Variants in PACSIN2 observed in about 807,000 individuals in gnomAD.
The protein encoded by PACSIN2 is protein kinase C and casein kinase substrate in neurons protein 2.
A neutral mutation model predicts 63.8 loss-of-function variants in PACSIN2; 25 were observed. The ratio of observed to expected loss-of-function variants is 0.39; its 90% CI spans 0.29 to 0.55. The LOEUF (loss-of-function observed/expected upper bound fraction) is 0.55. Among genes scored for constraint, PACSIN2 ranks in the 20% least tolerant of loss-of-function variants. The pLI is 0.62. For missense variants in PACSIN2, 518 were observed against 646.9 expected (o/e 0.80, Z 2.16); for synonymous variants, 255 against 256.2 (o/e 1.00, Z 0.05).
chr22:42,955,464 T>C (rs1933876592), intron 1 of PACSIN2, among the ~76,000 whole-genome samples: 1 of 150,058 alleles, frequency 6.7e-6, no homozygotes, highest in South Asian at 2.1e-4. Context: ...TACCTGGAGA[T>C]AGCATCAGGG....
rs1928860615 is a variant in PACSIN2, at chr22:42,878,986, C to A, written c.1028+62G>T. 2.6e-6 allele frequency: 4 copies of A among 1,560,988 alleles called. No individual in the cohort carries two copies. In the East Asian group the frequency reaches 9.0e-5, roughly 35 times the overall value. ...CAGGCCGGGGCTGCCCTGGACCATG[C>A]AGATTGCCCAGGGCCCCCACCATGG... On this transcript the variant is annotated intron_variant, in intron 8 of 10. Transcript: ENST00000263246.
At chr22:42,909,094 T>C (rs1278831836) in intron 2 of PACSIN2, among the ~76,000 whole-genome samples, 2 of 152,160 alleles carry the variant, frequency 1.3e-5, no homozygotes, top group African/African-American at 2.4e-5. Context: ...CAGGTCAGTA[T>C]GGGTTCCTTC....
chr22:42,886,760 G>C (rs752916694), intron 5 of PACSIN2, among the ~76,000 whole-genome samples: 1 of 152,148 alleles, frequency 6.6e-6, no homozygotes, highest in Non-Finnish European at 1.5e-5. Context: ...AGGCACACAA[G>C]GACCTCTCAT....
chr22:43,008,617 C>T (rs776179922), intron 1 of PACSIN2, among the ~76,000 whole-genome samples: 9 of 152,066 alleles, frequency 5.9e-5, no homozygotes, highest in Non-Finnish European at 1.3e-4. Flanking sequence ...TTCAATAAAC[C>T]AAAAAAATTA....
intron 1 of PACSIN2, among the ~76,000 whole-genome samples, chr22:42,985,579 T>C (rs1922549260): frequency 1.3e-5 from 2 of 152,126 alleles, no homozygotes; most frequent in Admixed American, 1.3e-4. Flanking sequence ...GGCCAACCCC[T>C]GAGAAGGACC....
chr22:42,945,712 C>G (rs112051070), intron 1 of PACSIN2: 1 of 152,492 alleles, frequency 6.6e-6, no homozygotes, highest in African/African-American at 2.4e-5. Context: ...TTGGCTCTGT[C>G]CCCATGATGA....
intron 1 of PACSIN2, chr22:42,993,899 T>C (rs1163865569): frequency 1.3e-5 from 2 of 152,144 alleles, no homozygotes; most frequent in Admixed American, 1.3e-4. Context: ...CCTGAAGCAC[T>C]CCTATGCAGC....
At chr22:42,998,964 C>T (rs1258158587) in intron 1 of PACSIN2, among the ~76,000 whole-genome samples, 1 of 152,160 alleles carries the variant, frequency 6.6e-6, no homozygotes, top group Non-Finnish European at 1.5e-5. Flanking sequence ...ATCCCATCTC[C>T]AGCTCCCCAT....
chr22:42,898,453 T>A lies in PACSIN2; in HGVS notation c.61-4840A>T, dbSNP rs935885234. ...CGCCCAGCTAATTTTGTATTTTTAG[T>A]AGAGACGGGTTTTCTGCATGTTGGT... On this transcript the variant is annotated intron_variant, in intron 2 of 10. Transcript: ENST00000263246. 3.9e-5 allele frequency among the ~76,000 whole-genome samples: 6 copies of A among 152,198 alleles called. No homozygotes were observed. The South Asian group carries it at 1.0e-3, about 26-fold the overall frequency.
intron 1 of PACSIN2, among the ~76,000 whole-genome samples, chr22:42,937,610 C>T (rs939172899): frequency 1.7e-4 from 26 of 152,226 alleles, no homozygotes; most frequent in African/African-American, 6.3e-4. Flanking sequence ...CCTGTGCAAG[C>T]AGTCAGGCAT....
intron 1 of PACSIN2, among the ~76,000 whole-genome samples, chr22:42,970,594 T>A (rs1315413489): frequency 6.6e-6 from 1 of 152,270 alleles, no homozygotes; most frequent in Non-Finnish European, 1.5e-5. Context: ...ATAAAAAGTT[T>A]ATTATAGAAA....
intron 1 of PACSIN2, among the ~76,000 whole-genome samples, chr22:42,939,959 G>C (rs936811634): frequency 2.6e-5 from 4 of 152,160 alleles, no homozygotes; most frequent in Non-Finnish European, 4.4e-5. Context: ...GCGTCTACCC[G>C]GCCTTCAATA....
intron 5 of PACSIN2, among the ~76,000 whole-genome samples, chr22:42,886,546 G>T (rs1929501410): frequency 6.6e-6 from 1 of 152,086 alleles, no homozygotes. Context: ...GCTTGCAGCA[G>T]CCTTGAACTC....
chr22:42,987,492 ACC>A (rs1424944611), intron 1 of PACSIN2, among the ~76,000 whole-genome samples: 11,141 of 99,164 alleles, frequency 0.11, 681 homozygotes, highest in African/African-American at 0.16. Flanking sequence ...ACACACACAC[ACC>A]CATGGCACCA....
intron 1 of PACSIN2, among the ~76,000 whole-genome samples, chr22:42,995,388 G>A (rs1402095195): frequency 6.6e-6 from 1 of 152,138 alleles, no homozygotes; most frequent in African/African-American, 2.4e-5. Context: ...CACAATAAAG[G>A]TTCTGCTTGG....
chr22:42,942,094 A>G (rs1289112441), intron 1 of PACSIN2, among the ~76,000 whole-genome samples: 1 of 140,178 alleles, frequency 7.1e-6, no homozygotes, highest in Non-Finnish European at 1.5e-5. Context: ...TTGAATTTTA[A>G]GAGTTCTTTT....
intron 1 of PACSIN2, among the ~76,000 whole-genome samples, chr22:42,988,537 G>A (rs1485355475): frequency 6.6e-6 from 1 of 152,194 alleles, no homozygotes; most frequent in Non-Finnish European, 1.5e-5. Context: ...CCAGGCTTAG[G>A]GTCCACTGGC....
chr22:42,974,578 G>A (rs1349860346), intron 1 of PACSIN2, among the ~76,000 whole-genome samples: 1 of 151,890 alleles, frequency 6.6e-6, no homozygotes, highest in Non-Finnish European at 1.5e-5. Context: ...GTGAAACCCT[G>A]CCTCTATTAA....
In PACSIN2 at chr22:42,871,441, C is replaced by T. The variant is rs777462007; in HGVS notation, c.1377G>A (p.Glu459=). The change falls in exon 11 of 11, where the codon GAG becomes GAA. Residue 459 remains glutamate, a synonymous_variant. Transcript: ENST00000263246. The surrounding 1 kb of genome is among the most constrained non-coding windows in gnomAD (Gnocchi z 5.4). ...AGDELTKMED[E]DEQGWCKGRL... is the part of the protein sequence containing the mutation. ...GTCCCTTGCACCAGCCCTGCTCATC[C>T]TCGTCCTCCATCTTGGTCAGCTCAT... is the stretch of plus-strand genomic sequence containing the variant. 12 of 1,614,042 alleles carry T rather than the reference C, an allele frequency of 7.4e-6. No homozygotes were observed. The highest frequency in any genetic ancestry group is 1.0e-5 in the Non-Finnish European group (12 of 1,179,998).
Sources: allele counts gnomAD v4.1 joint callset (sites outside exome capture counted in the v4.1 genomes callset), GRCh38; gene constraint gnomAD v4.1.1; non-coding constraint Gnocchi (gnomAD v3.1); transcripts MANE v1.5; gene names NCBI Gene and HGNC (gene_info 2026-07-23, HGNC 2026-07-21).